Variants in DYRK4 observed in about 807,000 individuals in gnomAD.
DYRK4 encodes dual specificity tyrosine-phosphorylation-regulated kinase 4.
Under a neutral mutation model 68.3 loss-of-function variants are expected in DYRK4, and 64 were observed. The observed-to-expected ratio is 0.94, with a 90% CI of 0.77 to 1.15. The LOEUF is 1.15. Among genes scored for constraint, DYRK4 ranks in the 50% most tolerant of loss-of-function variants. DYRK4 has a pLI of 0.00. For missense variants in DYRK4, 740 were observed against 764.7 expected (o/e 0.97, Z 0.38); for synonymous variants, 274 against 289.9 (o/e 0.95, Z 0.56).
At position 4,605,015 on chromosome 12, in the gene DYRK4, G is replaced by A; in HGVS notation, c.1228G>A (p.Ala410Thr). Reference protein sequence around the residue: ...IDMWSLGCITAELYTGYPLFP... With the variant: ...IDMWSLGCITTELYTGYPLFP... ...CATGTGGAGCCTGGGCTGCATCACG[G>A]CGGAGTTGTACACGGGCTACCCCCT... Residue 410 changes from alanine (A) to threonine (T), a missense_variant, in exon 11 of 15, where the codon GCG becomes ACG. Coordinates refer to ENST00000543431, the MANE Select transcript of DYRK4 (RefSeq NM_001394779.1). The A allele has an allele frequency of 1.2e-6, 2 of 1,614,126 alleles. No homozygotes were observed. The highest frequency in any genetic ancestry group is 2.2e-5 in the South Asian group (2 of 91,074).
intron 1 of DYRK4, chr12:4,562,973 A>T (rs1376447731): frequency 2.3e-6 from 1 of 434,922 alleles, no homozygotes; most frequent in Non-Finnish European, 4.6e-6. Flanking sequence ...GCAGCCCCTC[A>T]AAGCTTAGGA....
At chr12:4,569,957 C>A (rs1944714063) in intron 2 of DYRK4, among the ~76,000 whole-genome samples, 1 of 151,576 alleles carries the variant, frequency 6.6e-6, no homozygotes, top group Admixed American at 6.6e-5. Flanking sequence ...AATCTTAGCA[C>A]TTTGGGAGGC....
rs564159906 is a variant in DYRK4 at position 4,591,031 on chromosome 12, G to A, written c.325-129G>A. The A allele has an allele frequency of 2.0e-4, 213 of 1,083,168 alleles. 2 individuals are homozygous for A. The African/African-American group carries it at 3.1e-3, about 16-fold the overall frequency. 67.1% of individuals were successfully genotyped at this position (1,083,168 alleles called of 1,614,324 possible). A position where few individuals can be genotyped will look rare whatever the true frequency, so the allele number is the denominator to read the frequency against. On this transcript the variant is annotated intron_variant, in intron 4 of 14. Transcript: ENST00000543431. This position sits in a 1 kb window ranked among gnomAD's most constrained non-coding sequence, Gnocchi z 4.1. ...AGGGAGAACCTTCTGTCTCTTAATC[G>A]CTGTTTTCTCCCTGGAGAGGTAGGT...
intron 6 of DYRK4, among the ~76,000 whole-genome samples, chr12:4,595,485 A>T (rs1051736073): frequency 6.6e-6 from 1 of 152,114 alleles, no homozygotes; most frequent in Admixed American, 6.5e-5. Context: ...GTTTTGATTA[A>T]CCCCCTGCTC....
chr12:4,576,179 C>T (rs1944787471), intron 2 of DYRK4, among the ~76,000 whole-genome samples: 1 of 152,180 alleles, frequency 6.6e-6, no homozygotes, highest in South Asian at 2.1e-4. Flanking sequence ...ATCTATTCAT[C>T]CTTTCCCCCC....
chr12:4,575,500 G>A (rs1944779930), intron 2 of DYRK4, among the ~76,000 whole-genome samples: 1 of 151,870 alleles, frequency 6.6e-6, no homozygotes, highest in African/African-American at 2.4e-5. Context: ...TAGTAGAGAC[G>A]GGGTTTCACT....
intron 2 of DYRK4, among the ~76,000 whole-genome samples, chr12:4,580,419 A>G (rs968373504): frequency 2.0e-5 from 3 of 152,156 alleles, no homozygotes; most frequent in Non-Finnish European, 4.4e-5. Flanking sequence ...CATGCACAGC[A>G]AAGGGACTTA....
chr12:4,580,551 C>G (rs1944831456), intron 2 of DYRK4, among the ~76,000 whole-genome samples: 1 of 152,208 alleles, frequency 6.6e-6, no homozygotes, highest in South Asian at 2.1e-4. Context: ...CCACCTCCCT[C>G]CCTCCCAGTT....
At chr12:4,574,019 A>G (rs1242055356) in intron 2 of DYRK4, among the ~76,000 whole-genome samples, 3 of 151,900 alleles carry the variant, frequency 2.0e-5, no homozygotes, top group African/African-American at 2.4e-5. Context: ...AGGTCAGGAG[A>G]TGGAGACCAT....
chr12:4,595,255 A>T (rs1411128798), intron 6 of DYRK4, among the ~76,000 whole-genome samples: 2 of 152,192 alleles, frequency 1.3e-5, no homozygotes, highest in African/African-American at 2.4e-5. Flanking sequence ...CCCCTGGCAC[A>T]CATTCTCAAA....
At chr12:4,572,531 G>T (rs990196581) in intron 2 of DYRK4, among the ~76,000 whole-genome samples, 2 of 152,164 alleles carry the variant, frequency 1.3e-5, no homozygotes, top group Non-Finnish European at 2.9e-5. Context: ...TCCTGACCTC[G>T]TGATCCATCC....
At chr12:4,611,465 A>T (rs1423392503) in intron 13 of DYRK4, among the ~76,000 whole-genome samples, 1 of 152,158 alleles carries the variant, frequency 6.6e-6, no homozygotes, top group Non-Finnish European at 1.5e-5. Context: ...AGTCAGGCTG[A>T]TGGGGACTGT....
intron 2 of DYRK4, among the ~76,000 whole-genome samples, chr12:4,574,359 C>T (rs1944765148): frequency 6.6e-6 from 1 of 151,484 alleles, no homozygotes; most frequent in African/African-American, 2.4e-5. Flanking sequence ...CACTAATTTT[C>T]TTTATCTGTT....
intron 6 of DYRK4, among the ~76,000 whole-genome samples, chr12:4,593,572 C>T (rs1765769982): frequency 6.6e-6 from 1 of 152,188 alleles, no homozygotes; most frequent in Non-Finnish European, 1.5e-5. Context: ...GATGTCACTT[C>T]CCCCACAGAC....
In DYRK4 at chr12:4,590,122, G is replaced by A. The variant is rs868121686; in HGVS notation, c.214-208G>A. On this transcript the variant is annotated intron_variant, in intron 3 of 14. Coordinates refer to ENST00000543431, the MANE Select transcript of DYRK4 (RefSeq NM_001394779.1). ...CTGCAGCTAGTAAGTAGTAGAGCAG[G>A]GACTCAAACCCAGAGCCCATGTGTT... The A allele has an allele frequency of 7.6e-6, 10 of 1,318,954 alleles. 1 individual carries two copies. In the African/African-American group the frequency reaches 1.4e-4, roughly 18 times the overall value. The allele number at this position is 1,318,954 out of a possible 1,614,324, so 81.7% of individuals were successfully genotyped here.
In DYRK4 at chr12:4,612,607, C is replaced by T. The variant is rs374813443; in HGVS notation, c.1555C>T (p.Arg519Trp). The change falls in exon 14 of 15, where the codon CGG becomes TGG. Residue 519 changes from arginine to tryptophan, a missense_variant. Transcript: ENST00000543431. ...CAAGCATGCTTGGATTCATCAGTCT[C>T]GGAACCTCAAGCCACAGCCCAGGCC... Reference protein sequence around the residue: ...ALKHAWIHQSRNLKPQPRPQT... With the variant: ...ALKHAWIHQSWNLKPQPRPQT... 6.0e-5 allele frequency: 97 copies of T among 1,614,180 alleles called. 1 individual carries two copies. The highest frequency in any genetic ancestry group is 2.7e-4 in the South Asian group (25 of 91,082).
intron 14 of DYRK4, 44 bp downstream of exon 14, chr12:4,612,762 AT>A (rs1237738822): frequency 6.3e-7 from 1 of 1,596,606 alleles, no homozygotes; most frequent in Non-Finnish European, 8.6e-7. Context: ...CAGTCCGGGA[AT>A]TAATATTCTA....
At position 4,595,115 on chromosome 12, in the gene DYRK4, G is replaced by GTGGA. The variant is rs200587667; in HGVS notation, c.628-1032_628-1029dup. ...TATGTAATTTTATAGCAACATGTGT[G>GTGGA]TGGATCCTGTCCCTGTCCTTTTCCC... On this transcript the variant is annotated intron_variant, in intron 6 of 14. Transcript: ENST00000543431. 4.7e-3 allele frequency among the ~76,000 whole-genome samples: 719 copies of GTGGA among 152,324 alleles called. 4 individuals are homozygous for GTGGA. Among genetic ancestry groups the GTGGA allele is most frequent in the African/African-American group, 0.016 (651 of 41,560 alleles).
chr12:4,578,020 A>G (rs1565533885), intron 2 of DYRK4, among the ~76,000 whole-genome samples: 1 of 151,976 alleles, frequency 6.6e-6, no homozygotes, highest in African/African-American at 2.4e-5. Context: ...TTTTCTTTTT[A>G]CTTTCTTTAT....
Sources: allele counts gnomAD v4.1 joint callset (sites outside exome capture counted in the v4.1 genomes callset), GRCh38; gene constraint gnomAD v4.1.1; non-coding constraint Gnocchi (gnomAD v3.1); transcripts MANE v1.5; gene names NCBI Gene and HGNC (gene_info 2026-07-23, HGNC 2026-07-21).